The following CRYBG1 variants were observed in gnomAD, a reference collection of about 807,000 sequenced individuals.
CRYBG1 encodes the protein crystallin beta-gamma domain containing 1.
CRYBG1 carries 139 observed loss-of-function variants against 189.2 expected under a neutral mutation model. The observed-to-expected ratio is 0.73, with a 90% CI of 0.64 to 0.85. The LOEUF (loss-of-function observed/expected upper bound fraction) is 0.85, where lower values mean the gene tolerates loss of function less well. Ranked by LOEUF, CRYBG1 falls within the 40% of genes least tolerant of loss-of-function variation. The pLI, the probability that CRYBG1 is intolerant of heterozygous loss-of-function variation, is 0.00. For missense variants in CRYBG1, 2,611 were observed against 2,675.8 expected (o/e 0.98, Z 0.53); for synonymous variants, 1,023 against 1,017.1 (o/e 1.01, Z -0.11).
chr6:106,449,371 A>T (rs527525913), intron 1 of CRYBG1: 1 of 152,448 alleles, frequency 6.6e-6, no homozygotes, highest in East Asian at 1.9e-4. Flanking sequence ...CACAATGTGT[A>T]AGTCTAATCT....
At position 106,360,986 on chromosome 6, in the gene CRYBG1, C is replaced by G. The variant is rs1267804177; in HGVS notation, c.78C>G (p.Phe26Leu). The G allele has an allele frequency of 2.6e-6, 4 of 1,535,264 alleles. No homozygotes were observed. The South Asian group carries it at 4.8e-5, about 18-fold the overall frequency. The change falls in exon 1 of 22, where the codon TTC becomes TTG. Residue 26 changes from phenylalanine to leucine, a missense_variant. Around this residue, in one of 3 missense-constraint regions of CRYBG1, gnomAD observed 985 missense variants for 924.4 expected, o/e 1.07. Transcript: ENST00000633556. ...PCRPPKKHTT[F>L]HLWRSKKKQQ... ...GGCCCCCTAAGAAGCACACCACCTTCCACCTCTGGCGCTCCAAAAAGAAGC... is the reference window on the plus strand; with the variant it reads ...GGCCCCCTAAGAAGCACACCACCTTGCACCTCTGGCGCTCCAAAAAGAAGC...
At chr6:106,516,591 G>C (rs942289849) in intron 3 of CRYBG1, among the ~76,000 whole-genome samples, 1 of 152,182 alleles carries the variant, frequency 6.6e-6, no homozygotes, top group Non-Finnish European at 1.5e-5. Flanking sequence ...GGATTTCAGT[G>C]TCTCCACTTG....
At chr6:106,391,926 A>G in intron 1 of CRYBG1, among the ~76,000 whole-genome samples, 1 of 140,214 alleles carries the variant, frequency 7.1e-6, no homozygotes, top group Non-Finnish European at 1.5e-5. Context: ...TGTTGTTTAA[A>G]ACGTGTGTGT....
chr6:106,430,648 C>T lies in CRYBG1; in HGVS notation c.174-21046C>T, dbSNP rs9486337. 4.8e-3 allele frequency among the ~76,000 whole-genome samples: 725 copies of T among 152,068 alleles called. 3 individuals are homozygous for T. Among genetic ancestry groups the T allele is most frequent in the African/African-American group, 0.017 (698 of 41,468 alleles). ...TGAATAGTGGCAGCTGGCTGAGCCA[C>T]TCCACTGGGGTCACATGTATGGGGC... is the stretch of plus-strand genomic sequence containing the variant. On this transcript the variant is annotated intron_variant, in intron 1 of 21. Transcript: ENST00000633556.
At chr6:106,498,909 T>A (rs771772289) in intron 2 of CRYBG1, among the ~76,000 whole-genome samples, 12 of 151,874 alleles carry the variant, frequency 7.9e-5, no homozygotes, top group Non-Finnish European at 1.6e-4. Flanking sequence ...GTATATTTAT[T>A]GGCACGAACT....
Position 106,527,476 on chromosome 6 carries a change from T to C in CRYBG1, c.4578+6T>C. Reference sequence around the variant, plus strand: ...CCATCAGACATGTGGTTCAGGTAGGTTGTGGTAAATATGGATTTTATTTAT... The same window carrying C: ...CCATCAGACATGTGGTTCAGGTAGGCTGTGGTAAATATGGATTTTATTTAT... On this transcript the variant is annotated splice_donor_region_variant and intron_variant, in intron 7 of 21. Transcript: ENST00000633556. 6.2e-7 allele frequency: 1 copy of C among 1,604,486 alleles called. No homozygotes were observed. Among genetic ancestry groups the C allele is most frequent in the Middle Eastern group, 1.7e-4 (1 of 6,014 alleles).
At chr6:106,384,779 T>G (rs1258628003) in intron 1 of CRYBG1, among the ~76,000 whole-genome samples, 1 of 152,036 alleles carries the variant, frequency 6.6e-6, no homozygotes, top group East Asian at 1.9e-4. Flanking sequence ...TAATTTGTGA[T>G]CTCAAGCAGG....
chr6:106,555,656 G>A, intron 16 of CRYBG1, 112 bp from the exon 17 acceptor site: 1 of 1,281,300 alleles, frequency 7.8e-7, no homozygotes, highest in Admixed American at 2.3e-5. Flanking sequence ...AACTCTGTTT[G>A]CCAGAAGCAT....
At chr6:106,483,189 G>A (rs1276885220) in intron 2 of CRYBG1, among the ~76,000 whole-genome samples, 1 of 151,784 alleles carries the variant, frequency 6.6e-6, no homozygotes, top group Non-Finnish European at 1.5e-5. Flanking sequence ...CTGCTTCTAT[G>A]TTATCTACTC....
At chr6:106,425,302 C>T (rs1318036528) in intron 1 of CRYBG1, among the ~76,000 whole-genome samples, 1 of 152,150 alleles carries the variant, frequency 6.6e-6, no homozygotes, top group African/African-American at 2.4e-5. Flanking sequence ...AGGACCCATC[C>T]TTGCACCTTT....
intron 2 of CRYBG1, among the ~76,000 whole-genome samples, chr6:106,510,157 G>A (rs1191768960): frequency 6.6e-6 from 1 of 152,176 alleles, no homozygotes; most frequent in African/African-American, 2.4e-5. Context: ...GGTTTTGAAT[G>A]TTTAAAAGTT....
At position 106,562,347 on chromosome 6, in the gene CRYBG1, T is replaced by C. The variant is rs529517538; in HGVS notation, c.6138+847T>C. Among the ~76,000 whole-genome samples the C allele has an allele frequency of 3.9e-5, 6 of 152,342 alleles. No homozygotes were observed. The South Asian group carries it at 1.2e-3, about 32-fold the overall frequency. On this transcript the variant is annotated intron_variant, in intron 20 of 21. Coordinates refer to ENST00000633556, the MANE Select transcript of CRYBG1 (RefSeq NM_001371242.2). ...AAAGAAGCTTTCTGCCTTTGAATTG[T>C]CTTAATCCAAGAAAATGGTGTCTTT...
intron 2 of CRYBG1, among the ~76,000 whole-genome samples, chr6:106,457,716 C>T (rs1271036249): frequency 6.6e-6 from 1 of 152,166 alleles, no homozygotes; most frequent in Non-Finnish European, 1.5e-5. Flanking sequence ...CATCATTTCA[C>T]ACCACCCCAC....
At chr6:106,523,339 TTCTC>T (rs1011224586) in intron 4 of CRYBG1, among the ~76,000 whole-genome samples, 5 of 152,156 alleles carry the variant, frequency 3.3e-5, no homozygotes, top group African/African-American at 1.2e-4. Flanking sequence ...TATTAACTAT[TTCTC>T]TCAAGCACAA....
intron 2 of CRYBG1, among the ~76,000 whole-genome samples, chr6:106,477,472 A>G (rs897090468): frequency 7.9e-5 from 12 of 152,238 alleles, no homozygotes; most frequent in African/African-American, 2.9e-4. Flanking sequence ...GAAGCAATGC[A>G]TCAGGGTTTT....
chr6:106,485,669 T>A (rs1406323174), intron 2 of CRYBG1, among the ~76,000 whole-genome samples: 1 of 152,208 alleles, frequency 6.6e-6, no homozygotes, highest in African/African-American at 2.4e-5. Flanking sequence ...TATATCTAAT[T>A]TGTTAAGAGT....
intron 1 of CRYBG1, among the ~76,000 whole-genome samples, chr6:106,383,805 C>T (rs1165570540): frequency 6.6e-6 from 1 of 152,204 alleles, no homozygotes; most frequent in Non-Finnish European, 1.5e-5. Flanking sequence ...TATGCAATCT[C>T]CTAAGTGTTC....
At chr6:106,390,857 A>G (rs1229018118) in intron 1 of CRYBG1, among the ~76,000 whole-genome samples, 2 of 152,224 alleles carry the variant, frequency 1.3e-5, no homozygotes, top group Non-Finnish European at 2.9e-5. Flanking sequence ...CTACAGCATT[A>G]TGAGAAAAGG....
Position 106,568,585 on chromosome 6 carries a change from T to A in CRYBG1, c.*19T>A. The A allele has an allele frequency of 1.2e-5, 18 of 1,530,022 alleles. No individual in the cohort carries two copies. The highest frequency in any genetic ancestry group is 1.5e-5 in the Non-Finnish European group (17 of 1,104,670). 94.8% of individuals were successfully genotyped at this position (1,530,022 alleles called of 1,614,324 possible). A position where few individuals can be genotyped will look rare whatever the true frequency, so the allele number is the denominator to read the frequency against. On this transcript the variant is annotated 3_prime_UTR_variant, in exon 22 of 22. Coordinates refer to ENST00000633556, the MANE Select transcript of CRYBG1 (RefSeq NM_001371242.2). The stretch of plus-strand genomic sequence containing the variant: ...TACCTGAACAAAGAAGGAAGAAGAA[T>A]CTTCTGGAGGTCCTTCCAGCCACCT...
Sources: gnomAD v4.1 joint callset for allele counts (sites outside exome capture counted in the v4.1 genomes callset) on GRCh38, gnomAD v4.1.1 for gene constraint, gnomAD v4.1.1 regional missense constraint, MANE v1.5 for transcripts, NCBI Gene and HGNC (gene_info 2026-07-23, HGNC 2026-07-21) for gene names.